Variants in NUP205 observed in about 807,000 individuals in gnomAD.
NUP205 encodes nuclear pore complex protein Nup205.
A neutral mutation model predicts 253.8 loss-of-function variants in NUP205; 76 were observed. That is an observed-to-expected ratio of 0.30 (90% CI 0.25 to 0.36). The LOEUF is 0.36. Among genes scored for constraint, NUP205 ranks in the 10% least tolerant of loss-of-function variants. NUP205 has a pLI of 1.00. For missense variants in NUP205, 2,162 were observed against 2,425.5 expected, an observed-to-expected ratio of 0.89 and a Z score of 2.28; for synonymous variants, 832 against 850.1, an observed-to-expected ratio of 0.98 and a Z score of 0.37.
intron 13 of NUP205, among the ~76,000 whole-genome samples, chr7:135,595,560 A>G (rs1793813941): frequency 6.6e-6 from 1 of 151,900 alleles, no homozygotes; most frequent in Non-Finnish European, 1.5e-5. Context: ...AATACTTTTT[A>G]TTGGTGGTTA....
chr7:135,640,571 T>C (rs2129492533), intron 38 of NUP205, among the ~76,000 whole-genome samples: 1 of 152,340 alleles, frequency 6.6e-6, no homozygotes, highest in Middle Eastern at 3.4e-3. Context: ...TGCCTTCTCC[T>C]ACCAGTGTCT....
At chr7:135,627,539 C>T (rs751039712) in intron 33 of NUP205, among the ~76,000 whole-genome samples, 2 of 152,148 alleles carry the variant, frequency 1.3e-5, no homozygotes, top group Non-Finnish European at 2.9e-5. Flanking sequence ...TGGTACCAAG[C>T]ATTTTGGGTA....
chr7:135,573,153 C>A (rs1374676299), intron 2 of NUP205, among the ~76,000 whole-genome samples: 9 of 151,888 alleles, frequency 5.9e-5, no homozygotes. Flanking sequence ...CCTTTAAGTT[C>A]CGAAACTTTA....
At chr7:135,580,378 T>C (rs1286517376) in intron 7 of NUP205, among the ~76,000 whole-genome samples, 5 of 152,340 alleles carry the variant, frequency 3.3e-5, no homozygotes, top group African/African-American at 1.2e-4. Context: ...CACCTGTACG[T>C]ACCCTCATCA....
Position 135,597,986 on chromosome 7 carries a change from TTTC to T in NUP205, c.2065-9_2065-7del, listed in dbSNP as rs776278903. 9 of 1,610,870 alleles carry T rather than the reference TTTC, an allele frequency of 5.6e-6. No individual in the cohort carries two copies. Among genetic ancestry groups the T allele is most frequent in the Non-Finnish European group, 6.8e-6 (8 of 1,178,042 alleles). Reference sequence around the variant, plus strand: ...TTTTTATTACCAAGTTTTCTTTCTTTTTCTTTGGAAGGTTGAACTAAATGAAAT... The same window carrying T: ...TTTTTATTACCAAGTTTTCTTTCTTTTTTGGAAGGTTGAACTAAATGAAAT... On this transcript the variant is annotated splice_polypyrimidine_tract_variant and intron_variant, in intron 14 of 42. Transcript: ENST00000285968.
intron 1 of NUP205, among the ~76,000 whole-genome samples, chr7:135,566,108 G>A (rs996775590): frequency 1.3e-5 from 2 of 151,964 alleles, no homozygotes; most frequent in African/African-American, 4.8e-5. Context: ...TATTTTATTT[G>A]TTTATTTATT....
At chr7:135,580,886 A>G (rs1208079940) in intron 7 of NUP205, among the ~76,000 whole-genome samples, 1 of 152,150 alleles carries the variant, frequency 6.6e-6, no homozygotes, top group Non-Finnish European at 1.5e-5. Flanking sequence ...TGAAAGGTTT[A>G]ATAGAATATG....
chr7:135,596,923 C>T (rs576356309), intron 13 of NUP205, among the ~76,000 whole-genome samples: 76 of 149,444 alleles, frequency 5.1e-4, no homozygotes, highest in African/African-American at 1.7e-3. Context: ...TGCCACTGTA[C>T]TCCAGCTTGG....
rs556103001 is a variant in NUP205, at chr7:135,599,050, G to GTA, written c.2274+853_2274+854dup. Among the ~76,000 whole-genome samples the GTA allele has an allele frequency of 3.0e-4, 45 of 152,090 alleles. 1 individual carries two copies. In the South Asian group the frequency reaches 4.2e-3, roughly 14 times the overall value. On this transcript the variant is annotated intron_variant, in intron 15 of 42. Coordinates refer to ENST00000285968, the MANE Select transcript of NUP205 (RefSeq NM_015135.3). ...AAGACTCCATCTGAAAAAAACAAGTGTATATATATATGAAGAAATTATATC... is the reference window on the plus strand; with the variant it reads ...AAGACTCCATCTGAAAAAAACAAGTGTATATATATATATGAAGAAATTATATC...
At chr7:135,629,841 T>TA (rs1194133903) in intron 34 of NUP205, among the ~76,000 whole-genome samples, 7 of 152,146 alleles carry the variant, frequency 4.6e-5, no homozygotes, top group Admixed American at 2.6e-4. Flanking sequence ...TCTATTATAA[T>TA]AAAAATGAAT....
chr7:135,580,125 A>C (rs1292336811), intron 7 of NUP205, among the ~76,000 whole-genome samples: 3 of 152,248 alleles, frequency 2.0e-5, no homozygotes, highest in Non-Finnish European at 4.4e-5. Flanking sequence ...GCTTTATTCA[A>C]GTTTACAATT....
At chr7:135,617,474 T>G (rs756834200) in intron 26 of NUP205, 128 bp from the exon 27 acceptor site, 11 of 731,708 alleles carry the variant, frequency 1.5e-5, no homozygotes, top group African/African-American at 8.9e-5. Context: ...TGGACAGTGC[T>G]CCTGTTAGAT....
chr7:135,643,750 CAT>C (rs1335017934), intron 39 of NUP205, among the ~76,000 whole-genome samples: 8 of 152,130 alleles, frequency 5.3e-5, no homozygotes, highest in African/African-American at 1.7e-4. Context: ...AATGGGATAG[CAT>C]ATGAGACTTG....
At chr7:135,560,735 A>G (rs1313106935) in intron 1 of NUP205, among the ~76,000 whole-genome samples, 2 of 152,204 alleles carry the variant, frequency 1.3e-5, no homozygotes, top group Non-Finnish European at 2.9e-5. Context: ...ACAAGACACA[A>G]ATACTACATG....
At position 135,589,260 on chromosome 7, in the gene NUP205, TG is replaced by T. The variant is rs775506578; in HGVS notation, c.1473+1269del. Reference sequence around the variant, plus strand: ...AGCTTTTATGCAATGTGTGTGTGTGTGTTTTTTTTTTTCTGGACTCCAGATC... The same window carrying T: ...AGCTTTTATGCAATGTGTGTGTGTGTTTTTTTTTTTTCTGGACTCCAGATC... On this transcript the variant is annotated intron_variant, in intron 10 of 42. Transcript: ENST00000285968. 5.4e-4 allele frequency among the ~76,000 whole-genome samples: 80 copies of T among 148,226 alleles called. No homozygotes were observed. The East Asian group carries it at 0.014, about 27-fold the overall frequency.
intron 11 of NUP205, among the ~76,000 whole-genome samples, chr7:135,592,360 T>C (rs1806651284): frequency 6.6e-6 from 1 of 152,236 alleles, no homozygotes; most frequent in Non-Finnish European, 1.5e-5. Context: ...AAAGCAGCCC[T>C]GTACAGTTAC....
intron 18 of NUP205, 95 bp from the exon 19 acceptor site, chr7:135,604,245 G>C (rs1794035252): frequency 9.9e-7 from 1 of 1,014,544 alleles, no homozygotes; most frequent in Admixed American, 2.8e-5. Flanking sequence ...TGCTGTATGG[G>C]CAGGGGAAGC....
chr7:135,622,696 A>T, intron 30 of NUP205, 81 bp from the exon 31 acceptor site: 1 of 1,301,836 alleles, frequency 7.7e-7, no homozygotes, highest in Non-Finnish European at 1.1e-6. Flanking sequence ...TCCTTAGCTC[A>T]TACCTAGCAT....
rs144067857 is a variant in NUP205, at chr7:135,620,155, C to T, written c.4330+267C>T. 1.8e-4 allele frequency among the ~76,000 whole-genome samples: 27 copies of T among 152,290 alleles called. No individual in the cohort carries two copies. In the East Asian group the frequency reaches 4.4e-3, roughly 25 times the overall value. On this transcript the variant is annotated intron_variant, in intron 30 of 42. Transcript: ENST00000285968. ...GTAACTCCCTCACTTGCCTCAAGTC[C>T]GACTGAACAGTGTGCTCTACATAGA...
Sources: allele counts gnomAD v4.1 joint callset (sites outside exome capture counted in the v4.1 genomes callset), GRCh38; gene constraint gnomAD v4.1.1; transcripts MANE v1.5; gene names NCBI Gene and HGNC (gene_info 2026-07-23, HGNC 2026-07-21).